Variants in POTEF observed in about 807,000 individuals in gnomAD.
POTEF encodes POTE ankyrin domain family member F.
A neutral mutation model predicts 83.2 loss-of-function variants in POTEF; 20 were observed. That is an observed-to-expected ratio of 0.24 (90% CI 0.17 to 0.35). The LOEUF is 0.35. Among genes scored for constraint, POTEF ranks in the 10% least tolerant of loss-of-function variants. The pLI is 1.00. For synonymous variants in POTEF, 196 were observed against 446.4 expected, an observed-to-expected ratio of 0.44 and a Z score of 7.07; for missense variants, 550 against 1,203.2, an observed-to-expected ratio of 0.46 and a Z score of 8.03.
intron 1 of POTEF, among the ~76,000 whole-genome samples, chr2:130,128,272 C>A (rs530477229): frequency 9.9e-5 from 15 of 151,510 alleles, no homozygotes; most frequent in Non-Finnish European, 1.6e-4. Context: ...GGGGTGTGGG[C>A]GGGAGGTGCA....
At chr2:130,113,328 T>A (rs1158224365) in intron 5 of POTEF, among the ~76,000 whole-genome samples, 1 of 92,568 alleles carries the variant, frequency 1.1e-5, no homozygotes, top group Non-Finnish European at 2.3e-5. Flanking sequence ...GGAAACAGAG[T>A]GAGACCCCAT....
chr2:130,085,133 A>AT (rs1261929394), intron 15 of POTEF, among the ~76,000 whole-genome samples: 1 of 113,536 alleles, frequency 8.8e-6, no homozygotes, highest in Non-Finnish European at 1.7e-5. Context: ...ATCTATACAA[A>AT]TATCCTTTAC....
At chr2:130,124,645 G>A (rs1420634389) in intron 2 of POTEF, among the ~76,000 whole-genome samples, 2 of 89,926 alleles carry the variant, frequency 2.2e-5, no homozygotes, top group Admixed American at 1.4e-4. Flanking sequence ...GTCAGACAAC[G>A]CAAGGCAAAA....
chr2:130,106,224 T>C (rs1684524890), intron 8 of POTEF, among the ~76,000 whole-genome samples: 1 of 150,686 alleles, frequency 6.6e-6, no homozygotes, highest in Non-Finnish European at 1.5e-5. Context: ...TGGTTCCTAC[T>C]GTTTTAGCCA....
At chr2:130,113,012 G>T (rs3100063) in intron 5 of POTEF, among the ~76,000 whole-genome samples, 2 of 151,368 alleles carry the variant, frequency 1.3e-5, no homozygotes, top group Admixed American at 6.6e-5. Context: ...CTGATGGTAG[G>T]AAGGAAAAGG....
At position 130,120,192 on chromosome 2, in the gene POTEF, G is replaced by T; in HGVS notation, c.324C>A (p.Cys108Ter). 1 of 1,597,808 alleles carries T rather than the reference G, an allele frequency of 6.3e-7. No homozygotes were observed. Among genetic ancestry groups the T allele is most frequent in the South Asian group, 1.1e-5 (1 of 89,938 alleles). The change falls in exon 3 of 17, where the codon TGC becomes TGA. Residue 108 changes from cysteine (C) to a stop codon, truncating the protein, a stop_gained. Transcript: ENST00000409914. LOFTEE classifies it high-confidence loss of function. ...CCTTGCTCTTGCTGCTCCCCCTGCA[G>T]CAGGGGAAGCAGTGGCAGCACCACT... ...MGKWCCHCFP[C>*]CRGSSKSKVG...
At chr2:130,115,737 CA>C (rs1210183484) in intron 3 of POTEF, among the ~76,000 whole-genome samples, 1 of 152,198 alleles carries the variant, frequency 6.6e-6, no homozygotes, top group African/African-American at 2.4e-5. Context: ...ACACAAATAA[CA>C]GCTCAATAAT....
At chr2:130,109,840 T>A (rs1684659088) in intron 7 of POTEF, 1 of 152,004 alleles carries the variant, frequency 6.6e-6, no homozygotes, top group East Asian at 1.9e-4. Context: ...TGTGTGCGGA[T>A]AAAGTCAGGA....
intron 8 of POTEF, among the ~76,000 whole-genome samples, chr2:130,104,574 G>C (rs989614592): frequency 2.0e-5 from 3 of 151,578 alleles, no homozygotes; most frequent in East Asian, 1.9e-4. Context: ...CACAGAAAAT[G>C]ATTTTTTAGA....
At chr2:130,098,421 T>G (rs1247298627) in intron 11 of POTEF, among the ~76,000 whole-genome samples, 2 of 151,968 alleles carry the variant, frequency 1.3e-5, no homozygotes, top group Non-Finnish European at 2.9e-5. Flanking sequence ...ACTCAGGCAC[T>G]GACAATAAAA....
chr2:130,118,384 A>G (rs1427250926), intron 3 of POTEF, among the ~76,000 whole-genome samples: 2 of 151,896 alleles, frequency 1.3e-5, no homozygotes, highest in African/African-American at 4.8e-5. Context: ...CCAATTTTAA[A>G]ATGAGCTTAT....
rs1259950196 is a variant in POTEF at position 130,075,295 on chromosome 2, GC to G, written c.2176del (p.Ala726ProfsTer18). On this transcript the variant is annotated frameshift_variant, in exon 17 of 17. Coordinates refer to ENST00000409914, the MANE Select transcript of POTEF (RefSeq NM_001099771.2). LOFTEE classifies it high-confidence loss of function. ...MCKAGFAGDD[A>X]PRAVFPSIVG... is the part of the protein sequence containing the mutation. ...GATGGAAGGGAAGACAGCCCGGGGG[GC>G]ATCGTCGCCCGCAAAGCCGGCCTTG... The G allele has an allele frequency of 1.2e-6, 2 of 1,612,464 alleles. 1 individual carries two copies. Among genetic ancestry groups the G allele is most frequent in the Admixed American group, 3.3e-5 (2 of 59,940 alleles).
Position 130,074,601 on chromosome 2 carries a change from G to C in POTEF, c.2871C>G (p.Cys957Trp). ...AGCAAGGCTGGAAGAGCGCCTCGGG[G>C]CAGCGGAACCGCTCGTTGCCGATGG... is the stretch of plus-strand genomic sequence containing the variant. The part of the protein sequence containing the change: ...VITIGNERFR[C>W]PEALFQPCFL... Residue 957 changes from cysteine (C) to tryptophan (W), a missense_variant, in exon 17 of 17, where the codon TGC (cysteine) becomes TGG (tryptophan). Coordinates refer to ENST00000409914, the MANE Select transcript of POTEF (RefSeq NM_001099771.2). The C allele has an allele frequency of 6.4e-7, 1 of 1,553,974 alleles. No homozygotes were observed. The highest frequency in any genetic ancestry group is 8.6e-7 in the Non-Finnish European group (1 of 1,156,564).
At chr2:130,103,403 A>T (rs3990563) in intron 8 of POTEF, among the ~76,000 whole-genome samples, 43 of 150,542 alleles carry the variant, frequency 2.9e-4, no homozygotes, top group South Asian at 8.4e-4. Context: ...TTGTCCTTAT[A>T]TTTATCTTTT....
At chr2:130,118,434 C>T (rs1340823599) in intron 3 of POTEF, among the ~76,000 whole-genome samples, 1 of 144,188 alleles carries the variant, frequency 6.9e-6, no homozygotes, top group Non-Finnish European at 1.6e-5. Flanking sequence ...CAGTGGCTCA[C>T]GCCTGTAACC....
chr2:130,118,457 G>A (rs1684901676), intron 3 of POTEF, among the ~76,000 whole-genome samples: 1 of 151,894 alleles, frequency 6.6e-6, no homozygotes, highest in East Asian at 1.9e-4. Context: ...AGCACTTGGG[G>A]AGGCCAAGGT....
chr2:130,103,277 G>A (rs543179694), intron 8 of POTEF, among the ~76,000 whole-genome samples: 1 of 149,882 alleles, frequency 6.7e-6, no homozygotes, highest in Non-Finnish European at 1.5e-5. Context: ...TAATTTTCGT[G>A]TTTTTAGTAG....
intron 5 of POTEF, among the ~76,000 whole-genome samples, chr2:130,112,990 G>A (rs10803613): frequency 9.2e-5 from 14 of 151,640 alleles, no homozygotes; most frequent in East Asian, 7.9e-4. Context: ...CCTTCTGAAC[G>A]GCAGTGAATA....
chr2:130,115,808 C>A (rs1182121897), intron 3 of POTEF, among the ~76,000 whole-genome samples: 1 of 152,100 alleles, frequency 6.6e-6, no homozygotes, highest in Non-Finnish European at 1.5e-5. Flanking sequence ...TGAGATGATA[C>A]AATTATACCT....
Sources: allele counts gnomAD v4.1 joint callset (sites outside exome capture counted in the v4.1 genomes callset), GRCh38; gene constraint gnomAD v4.1.1; transcripts MANE v1.5; gene names NCBI Gene and HGNC (gene_info 2026-07-23, HGNC 2026-07-21).